DOCK10: variants seen among roughly 807,000 people sequenced by gnomAD.
DOCK10 encodes the protein dedicator of cytokinesis protein 10.
Under a neutral mutation model 280.1 loss-of-function variants are expected in DOCK10, and 145 were observed. The ratio of observed to expected loss-of-function variants is 0.52; its 90% CI spans 0.45 to 0.59. The LOEUF (loss-of-function observed/expected upper bound fraction) is 0.59. Among genes scored for constraint, DOCK10 ranks in the 20% least tolerant of loss-of-function variants. DOCK10 has a pLI of 0.00. For synonymous variants in DOCK10, 915 were observed against 942.2 expected, an observed-to-expected ratio of 0.97 and a Z score of 0.53; for missense variants, 2,368 against 2,651.7, an observed-to-expected ratio of 0.89 and a Z score of 2.35.
At chr2:224,977,086 C>T (rs1705486633) in intron 1 of DOCK10, among the ~76,000 whole-genome samples, 1 of 152,174 alleles carries the variant, frequency 6.6e-6, no homozygotes, top group South Asian at 2.1e-4. Context: ...GAAGAGATTT[C>T]ACCTTCCCAA....
chr2:224,960,386 A>T (rs865903151), intron 1 of DOCK10, among the ~76,000 whole-genome samples: 1 of 152,292 alleles, frequency 6.6e-6, no homozygotes, highest in South Asian at 2.1e-4. Context: ...GGGTACAGAC[A>T]TTGTGCTAAG....
intron 50 of DOCK10, among the ~76,000 whole-genome samples, chr2:224,780,048 C>A (rs546748352): frequency 1.3e-5 from 2 of 152,088 alleles, no homozygotes; most frequent in African/African-American, 4.8e-5. Context: ...CTTAAAAAGG[C>A]GTATGTGTAC....
intron 43 of DOCK10, among the ~76,000 whole-genome samples, 157 bp from the exon 44 acceptor site, chr2:224,796,583 A>G (rs1003243874): frequency 6.6e-6 from 1 of 152,230 alleles, no homozygotes; most frequent in African/African-American, 2.4e-5. Flanking sequence ...TATTAAATCT[A>G]GGGTGTTTCC....
chr2:224,802,423 AT>A (rs1471224427), intron 39 of DOCK10, among the ~76,000 whole-genome samples: 1 of 152,186 alleles, frequency 6.6e-6, no homozygotes, highest in African/African-American at 2.4e-5. Context: ...GATGCATCAA[AT>A]TATTTTTGAA....
At chr2:225,016,643 GTGCACATAGATACATAGATA>G (rs1559963050) in intron 1 of DOCK10, among the ~76,000 whole-genome samples, 5,409 of 34,448 alleles carry the variant, frequency 0.16, 1,074 homozygotes, top group African/African-American at 0.32. Context: ...ATATATCTAT[GTGCACATAGATACATAGATA>G]CATATATCTA....
chr2:225,005,314 C>T (rs1418044410), intron 1 of DOCK10, among the ~76,000 whole-genome samples: 3 of 152,126 alleles, frequency 2.0e-5, no homozygotes, highest in Non-Finnish European at 4.4e-5. Flanking sequence ...CACCTCTCAG[C>T]AATGTAAGGA....
intron 1 of DOCK10, among the ~76,000 whole-genome samples, chr2:224,958,059 C>T (rs1050440667): frequency 6.6e-6 from 1 of 152,194 alleles, no homozygotes; most frequent in Non-Finnish European, 1.5e-5. Context: ...ACTTCCCTAA[C>T]CTCTCTGGAA....
At chr2:224,865,855 T>TCTCA (rs1553601555) in intron 11 of DOCK10, among the ~76,000 whole-genome samples, 10 of 148,542 alleles carry the variant, frequency 6.7e-5, no homozygotes, top group South Asian at 2.1e-4. Flanking sequence ...TCTCTCTCTC[T>TCTCA]CACACACACA....
At chr2:224,935,768 AT>A (rs970874126) in intron 1 of DOCK10, among the ~76,000 whole-genome samples, 1 of 152,230 alleles carries the variant, frequency 6.6e-6, no homozygotes, top group African/African-American at 2.4e-5. Context: ...AAGCATCAGT[AT>A]TATAAATTTA....
In DOCK10 at chr2:224,857,755, G is replaced by T. The variant is rs577964396; in HGVS notation, c.1686-773C>A. Among the ~76,000 whole-genome samples, 3 of 151,518 alleles carry T rather than the reference G, an allele frequency of 2.0e-5. No homozygotes were observed. In the East Asian group the frequency reaches 5.8e-4, roughly 29 times the overall value. The stretch of plus-strand genomic sequence containing the variant: ...CACAATGTGTGGTCAAAAAAAAATA[G>T]AATTTTTTTTTTTTACTTCAGTGTT... On this transcript the variant is annotated intron_variant, in intron 14 of 55. Transcript: ENST00000258390.
chr2:224,800,986 T>C (rs1692948711), intron 40 of DOCK10, among the ~76,000 whole-genome samples: 1 of 152,162 alleles, frequency 6.6e-6, no homozygotes, highest in Non-Finnish European at 1.5e-5. Flanking sequence ...ATTTTCTGAT[T>C]GGCGATTGGT....
intron 50 of DOCK10, chr2:224,784,635 G>A: frequency 9.4e-7 from 1 of 1,059,108 alleles, no homozygotes; most frequent in South Asian, 1.3e-5. Context: ...GTACCAAATG[G>A]TGATTTGCAC....
At chr2:224,927,600 T>C (rs10498170) in intron 2 of DOCK10, among the ~76,000 whole-genome samples, 1 of 151,934 alleles carries the variant, frequency 6.6e-6, no homozygotes, top group Non-Finnish European at 1.5e-5. Flanking sequence ...ATCTTTCTCG[T>C]GTACCAGATA....
chr2:224,787,474 G>A, intron 48 of DOCK10, 77 bp from the exon 49 acceptor site: 2 of 1,567,560 alleles, frequency 1.3e-6, no homozygotes, highest in Non-Finnish European at 8.7e-7. Flanking sequence ...TTTCCAAGCT[G>A]TTGCATTGTC....
chr2:224,852,800 A>G, intron 17 of DOCK10, 135 bp downstream of exon 17: 3 of 712,856 alleles, frequency 4.2e-6, no homozygotes, highest in Non-Finnish European at 6.4e-6. Flanking sequence ...GCCTCTTACT[A>G]AACATCTTCT....
intron 1 of DOCK10, among the ~76,000 whole-genome samples, chr2:225,041,825 T>C (rs1440474604): frequency 6.6e-6 from 1 of 152,158 alleles, no homozygotes. Context: ...GTCTGTTTAC[T>C]GGAGGGTGAG....
chr2:224,820,369 A>G (rs1486891366), intron 28 of DOCK10, among the ~76,000 whole-genome samples: 1 of 152,206 alleles, frequency 6.6e-6, no homozygotes, highest in Non-Finnish European at 1.5e-5. Flanking sequence ...CAAAGTGTGG[A>G]GCAGGAGGAA....
chr2:225,037,739 CT>C (rs1331797595), intron 1 of DOCK10, among the ~76,000 whole-genome samples: 3 of 152,168 alleles, frequency 2.0e-5, no homozygotes, highest in African/African-American at 7.2e-5. Context: ...TTCATTATTG[CT>C]TTCTTTTTCT....
rs1383094008 is a variant in DOCK10 at position 225,008,819 on chromosome 2, C to T, written c.123+33433G>A. On this transcript the variant is annotated intron_variant, in intron 1 of 55. Coordinates refer to ENST00000258390, the MANE Select transcript of DOCK10 (RefSeq NM_014689.3). ...CTCTATCCAATGCTCCACTATCTGCCCATAATATCCCACAGGTTACTATGT... is the reference window on the plus strand; with the variant it reads ...CTCTATCCAATGCTCCACTATCTGCTCATAATATCCCACAGGTTACTATGT... 3.3e-5 allele frequency among the ~76,000 whole-genome samples: 5 copies of T among 152,188 alleles called. No homozygotes were observed. The East Asian group carries it at 5.8e-4, about 18-fold the overall frequency.
Sources: gnomAD v4.1 joint callset for allele counts (sites outside exome capture counted in the v4.1 genomes callset) on GRCh38, gnomAD v4.1.1 for gene constraint, MANE v1.5 for transcripts, NCBI Gene and HGNC (gene_info 2026-07-23, HGNC 2026-07-21) for gene names.